The following MYO3B variants were observed in gnomAD, a reference collection of about 807,000 sequenced individuals.
MYO3B encodes myosin IIIB.
In MYO3B, 156 loss-of-function variants were observed where a neutral mutation model predicts 174.6. The ratio of observed to expected loss-of-function variants is 0.89; its 90% CI spans 0.78 to 1.02. The LOEUF is 1.02. Among genes scored for constraint, MYO3B ranks in the 50% least tolerant of loss-of-function variants. The pLI is 0.00. For missense variants in MYO3B, 1,632 were observed against 1,639.4 expected (o/e 1.00, Z 0.08); for synonymous variants, 563 against 569.1 (o/e 0.99, Z 0.15).
intron 1 of MYO3B, among the ~76,000 whole-genome samples, chr2:170,191,149 G>T (rs4667624): frequency 0.43 from 64,288 of 151,180 alleles, 14,928 homozygotes; most frequent in Middle Eastern, 0.54. Context: ...AGGAGATAGG[G>T]CCTCAGGACT....
At chr2:170,611,172 C>T (rs751768149) in intron 32 of MYO3B, among the ~76,000 whole-genome samples, 11 of 152,218 alleles carry the variant, frequency 7.2e-5, no homozygotes, top group East Asian at 3.9e-4. Context: ...TCAGCCCCCT[C>T]GGCAACTGGA....
In MYO3B at chr2:170,547,797, T is replaced by A. The variant is rs78804374; in HGVS notation, c.3733+3809T>A. Reference sequence around the variant, plus strand: ...AGCAGAGGGAGATAGACAATAAACATTAAGCAGACAAGTAAGTCAATTATG... The same window carrying A: ...AGCAGAGGGAGATAGACAATAAACAATAAGCAGACAAGTAAGTCAATTATG... On this transcript the variant is annotated intron_variant, in intron 32 of 34. Coordinates refer to ENST00000408978, the MANE Select transcript of MYO3B (RefSeq NM_138995.5). Among the ~76,000 whole-genome samples, 758 of 152,236 alleles carry A rather than the reference T, an allele frequency of 5.0e-3. 6 individuals carry two copies. The highest frequency in any genetic ancestry group is 0.016 in the African/African-American group (646 of 41,526).
intron 32 of MYO3B, among the ~76,000 whole-genome samples, chr2:170,557,383 C>T (rs1340580785): frequency 6.6e-6 from 1 of 152,052 alleles, no homozygotes; most frequent in Non-Finnish European, 1.5e-5. Flanking sequence ...TCGTGATCCG[C>T]CCGCCTCTGC....
intron 28 of MYO3B, among the ~76,000 whole-genome samples, chr2:170,505,245 A>C (rs1438794450): frequency 6.6e-6 from 1 of 152,048 alleles, no homozygotes; most frequent in Non-Finnish European, 1.5e-5. Flanking sequence ...GGTATTGTCT[A>C]TCAGTTTCTT....
intron 25 of MYO3B, among the ~76,000 whole-genome samples, chr2:170,488,746 T>A (rs942676205): frequency 6.6e-6 from 1 of 152,058 alleles, no homozygotes; most frequent in African/African-American, 2.4e-5. Flanking sequence ...ATTTATCAGT[T>A]GGAATTTAGA....
At chr2:170,497,947 GAAAAAAA>G (rs55963352) in intron 25 of MYO3B, among the ~76,000 whole-genome samples, 2 of 87,840 alleles carry the variant, frequency 2.3e-5, no homozygotes, top group African/African-American at 7.6e-5. Flanking sequence ...TTCTGCCTCA[GAAAAAAA>G]AAAAAAAAAA....
At chr2:170,519,673 C>A in intron 30 of MYO3B, 133 bp downstream of exon 30, 2 of 779,364 alleles carry the variant, frequency 2.6e-6, no homozygotes, top group Admixed American at 4.9e-5. Context: ...GAGAGTGGAA[C>A]CAAAAAGCGT....
chr2:170,552,666 C>T (rs750883321), intron 32 of MYO3B, among the ~76,000 whole-genome samples: 3 of 152,174 alleles, frequency 2.0e-5, no homozygotes, highest in Non-Finnish European at 4.4e-5. Flanking sequence ...AAGAAAAACA[C>T]ATTTTCTGTG....
chr2:170,551,023 TA>T (rs11334668), intron 32 of MYO3B, among the ~76,000 whole-genome samples: 116,398 of 151,858 alleles, frequency 0.77, 45,098 homozygotes, highest in African/African-American at 0.86. Context: ...CTCAGCCTCC[TA>T]AGTAACTGGG....
At chr2:170,494,482 C>A (rs1486658755) in intron 25 of MYO3B, among the ~76,000 whole-genome samples, 9 of 152,090 alleles carry the variant, frequency 5.9e-5, no homozygotes, top group African/African-American at 1.9e-4. Flanking sequence ...AATCTCAGCA[C>A]TTTGGGAGGC....
intron 8 of MYO3B, among the ~76,000 whole-genome samples, chr2:170,362,691 C>CA (rs2105653364): frequency 6.6e-6 from 1 of 152,318 alleles, no homozygotes; most frequent in East Asian, 1.9e-4. Context: ...CCCACTTCCC[C>CA]ACCCCAAATG....
chr2:170,333,332 G>T (rs1273791965), intron 7 of MYO3B, among the ~76,000 whole-genome samples: 2 of 152,134 alleles, frequency 1.3e-5, no homozygotes, highest in Non-Finnish European at 2.9e-5. Context: ...AAAGATGAAG[G>T]CATATGTTGT....
chr2:170,313,239 C>T (rs2105474381), intron 7 of MYO3B, among the ~76,000 whole-genome samples: 1 of 152,232 alleles, frequency 6.6e-6, no homozygotes, highest in Non-Finnish European at 1.5e-5. Context: ...CTTCGTTTTC[C>T]CCCTCTGTAA....
At chr2:170,597,918 G>A (rs937287782) in intron 32 of MYO3B, among the ~76,000 whole-genome samples, 1 of 152,060 alleles carries the variant, frequency 6.6e-6, no homozygotes, top group Non-Finnish European at 1.5e-5. Context: ...ATTCTAAAAG[G>A]GTCAAAGGGT....
rs1251200428 is a variant in MYO3B at position 170,453,443 on chromosome 2, C to CG, written c.2730+9397_2730+9398insG. ...ACACACACACACACACACACACACA[C>CG]ACACACACACGAGAGAGAGAGAGAG... On this transcript the variant is annotated intron_variant, in intron 23 of 34. Transcript: ENST00000408978. Among the ~76,000 whole-genome samples the CG allele has an allele frequency of 6.7e-5, 9 of 134,120 alleles. 1 individual carries two copies. The East Asian group carries it at 8.8e-4, about 13-fold the overall frequency. 88.0% of individuals were successfully genotyped at this position (134,120 alleles called of 152,430 possible). A position where few individuals can be genotyped will look rare whatever the true frequency, so the allele number is the denominator to read the frequency against.
At chr2:170,645,567 A>G (rs1456759963) in intron 32 of MYO3B, among the ~76,000 whole-genome samples, 1 of 151,994 alleles carries the variant, frequency 6.6e-6, no homozygotes, top group Non-Finnish European at 1.5e-5. Context: ...TCCGATAACC[A>G]TACTGTTTTA....
intron 6 of MYO3B, among the ~76,000 whole-genome samples, chr2:170,233,151 G>T (rs2093032277): frequency 6.6e-6 from 1 of 152,126 alleles, no homozygotes; most frequent in African/African-American, 2.4e-5. Context: ...ACTTTTTATT[G>T]TCTTGCTTAG....
intron 23 of MYO3B, among the ~76,000 whole-genome samples, chr2:170,452,697 A>G (rs901396641): frequency 6.6e-6 from 1 of 152,206 alleles, no homozygotes; most frequent in African/African-American, 2.4e-5. Flanking sequence ...TTAACCATGG[A>G]TGCATAAAGT....
chr2:170,379,562 G>T (rs1374029842), intron 9 of MYO3B, among the ~76,000 whole-genome samples: 1 of 152,196 alleles, frequency 6.6e-6, no homozygotes, highest in Non-Finnish European at 1.5e-5. Context: ...ATTTTGATCG[G>T]AAATATGTAT....
Sources: allele counts gnomAD v4.1 joint callset (sites outside exome capture counted in the v4.1 genomes callset), GRCh38; gene constraint gnomAD v4.1.1; transcripts MANE v1.5; gene names NCBI Gene and HGNC (gene_info 2026-07-23, HGNC 2026-07-21).